PXDNL: variants seen among roughly 807,000 people sequenced by gnomAD.
The protein encoded by PXDNL is peroxidasin like.
PXDNL carries 145 observed loss-of-function variants against 150.8 expected under a neutral mutation model. That is an observed-to-expected ratio of 0.96 (90% confidence interval 0.84 to 1.10). PXDNL has a LOEUF of 1.10. Ranked by LOEUF, PXDNL falls within the 50% of genes least tolerant of loss-of-function variation. The pLI is 0.00. For missense variants in PXDNL, 2,087 were observed against 1,873.9 expected (o/e 1.11, Z -2.10); for synonymous variants, 757 against 725.7 (o/e 1.04, Z -0.69).
intron 1 of PXDNL, among the ~76,000 whole-genome samples, chr8:51,661,769 G>A (rs920490137): frequency 6.6e-6 from 1 of 152,170 alleles, no homozygotes; most frequent in Non-Finnish European, 1.5e-5. Flanking sequence ...AAGCCAGAAA[G>A]GAAGGGCATT....
At chr8:51,720,089 G>A (rs936222866) in intron 1 of PXDNL, among the ~76,000 whole-genome samples, 4 of 151,812 alleles carry the variant, frequency 2.6e-5, no homozygotes, top group African/African-American at 9.7e-5. Flanking sequence ...AAATTTTAAA[G>A]GGATGCAAAG....
chr8:51,431,002 C>A (rs1472561907), intron 12 of PXDNL, among the ~76,000 whole-genome samples: 1 of 152,178 alleles, frequency 6.6e-6, no homozygotes, highest in Non-Finnish European at 1.5e-5. Flanking sequence ...ATTGACTTCT[C>A]CACAAAGAAA....
At chr8:51,637,731 T>C (rs989657422) in intron 2 of PXDNL, among the ~76,000 whole-genome samples, 7 of 152,234 alleles carry the variant, frequency 4.6e-5, no homozygotes, top group African/African-American at 1.4e-4. Context: ...CTGATTGGTC[T>C]ACCTGAAAGT....
At chr8:51,712,013 C>T (rs1816512000) in intron 1 of PXDNL, among the ~76,000 whole-genome samples, 1 of 152,174 alleles carries the variant, frequency 6.6e-6, no homozygotes, top group Admixed American at 6.5e-5. Context: ...AGTCTCAAAT[C>T]CATCTCCCTG....
intron 1 of PXDNL, among the ~76,000 whole-genome samples, chr8:51,667,216 C>T (rs1815403561): frequency 6.6e-6 from 1 of 152,188 alleles, no homozygotes; most frequent in African/African-American, 2.4e-5. Context: ...GATAGCCCCT[C>T]CCTTGGCTAC....
Position 51,370,281 on chromosome 8 carries a change from G to A in PXDNL, c.3901+1592C>T, listed in dbSNP as rs1257166362. ...CACGCAGCCCTGGCCTCTACACGGAGCCATTGCTTCCTTGCAGGGCACTGC... is the reference window on the plus strand; with the variant it reads ...CACGCAGCCCTGGCCTCTACACGGAACCATTGCTTCCTTGCAGGGCACTGC... On this transcript the variant is annotated intron_variant, in intron 19 of 22. Transcript: ENST00000356297. 3.9e-5 allele frequency among the ~76,000 whole-genome samples: 6 copies of A among 152,122 alleles called. No individual in the cohort carries two copies. In the East Asian group the frequency reaches 1.2e-3, roughly 29 times the overall value.
intron 2 of PXDNL, among the ~76,000 whole-genome samples, chr8:51,647,467 C>G (rs1814943457): frequency 6.6e-6 from 1 of 152,198 alleles, no homozygotes; most frequent in African/African-American, 2.4e-5. Context: ...AGAAACTAAA[C>G]AATTCCACTG....
chr8:51,676,132 T>C (rs1212060683), intron 1 of PXDNL, among the ~76,000 whole-genome samples: 2 of 152,280 alleles, frequency 1.3e-5, no homozygotes, highest in Middle Eastern at 3.4e-3. Flanking sequence ...ATTACTTAGA[T>C]TGTTGTTGAC....
At chr8:51,688,637 T>G (rs1437364408) in intron 1 of PXDNL, among the ~76,000 whole-genome samples, 1 of 152,060 alleles carries the variant, frequency 6.6e-6, no homozygotes. Context: ...AGCCCCTCTA[T>G]CCTAACCTCT....
At chr8:51,506,540 C>CAAAAAAAAA (rs11312240) in intron 4 of PXDNL, among the ~76,000 whole-genome samples, 1 of 67,490 alleles carries the variant, frequency 1.5e-5, no homozygotes. Flanking sequence ...GACTCTGTCT[C>CAAAAAAAAA]AAAAAAAAAA....
At position 51,588,820 on chromosome 8, in the gene PXDNL, G is replaced by A. The variant is rs140210615; in HGVS notation, c.308+3807C>T. ...GAGAAGGTCAAGCTCCTTCACTAAT[G>A]AGGAGCAGGCTTTGCACACCCCCAA... On this transcript the variant is annotated intron_variant, in intron 3 of 22. Coordinates refer to ENST00000356297, the MANE Select transcript of PXDNL (RefSeq NM_144651.5). Among the ~76,000 whole-genome samples the A allele has an allele frequency of 2.3e-3, 356 of 152,264 alleles. 4 individuals carry two copies. The highest frequency in any genetic ancestry group is 8.1e-3 in the African/African-American group (338 of 41,550).
At chr8:51,607,383 C>T (rs1288953054) in intron 2 of PXDNL, among the ~76,000 whole-genome samples, 1 of 152,166 alleles carries the variant, frequency 6.6e-6, no homozygotes, top group African/African-American at 2.4e-5. Flanking sequence ...ATGTTCATAA[C>T]AAAGGAGGCA....
chr8:51,661,899 G>A (rs1815278426), intron 1 of PXDNL, among the ~76,000 whole-genome samples: 1 of 145,306 alleles, frequency 6.9e-6, no homozygotes, highest in Non-Finnish European at 1.5e-5. Flanking sequence ...CTCCAACAAT[G>A]GCTAAAGCAG....
chr8:51,512,422 C>G (rs1380561339), intron 4 of PXDNL, among the ~76,000 whole-genome samples: 1 of 152,084 alleles, frequency 6.6e-6, no homozygotes, highest in African/African-American at 2.4e-5. Flanking sequence ...CCAATACGTC[C>G]CCCTCTCAGC....
chr8:51,627,724 T>C (rs1814393530), intron 2 of PXDNL, among the ~76,000 whole-genome samples: 1 of 152,110 alleles, frequency 6.6e-6, no homozygotes, highest in Non-Finnish European at 1.5e-5. Context: ...TAAGAAAGCT[T>C]TGTGGTGTTT....
chr8:51,553,496 A>G (rs1434139339), intron 4 of PXDNL, among the ~76,000 whole-genome samples: 1 of 152,198 alleles, frequency 6.6e-6, no homozygotes, highest in Non-Finnish European at 1.5e-5. Context: ...CTCTGTAAGT[A>G]AGTGTATAAA....
intron 3 of PXDNL, among the ~76,000 whole-genome samples, chr8:51,563,517 A>G (rs1408760116): frequency 6.6e-6 from 1 of 151,944 alleles, no homozygotes; most frequent in African/African-American, 2.4e-5. Flanking sequence ...GGAGGATACA[A>G]ACATTCAATC....
intron 1 of PXDNL, among the ~76,000 whole-genome samples, chr8:51,767,661 C>A (rs1204869982): frequency 1.3e-5 from 2 of 152,024 alleles, no homozygotes; most frequent in African/African-American, 2.4e-5. Context: ...CTTTTCAAAT[C>A]TTTACTGCAT....
intron 3 of PXDNL, among the ~76,000 whole-genome samples, chr8:51,591,985 T>G (rs1305359626): frequency 6.6e-6 from 1 of 152,210 alleles, no homozygotes; most frequent in Non-Finnish European, 1.5e-5. Context: ...ATAAAAGCCC[T>G]TGTAGTTTGT....
Sources: gnomAD v4.1 joint callset for allele counts (sites outside exome capture counted in the v4.1 genomes callset) on GRCh38, gnomAD v4.1.1 for gene constraint, MANE v1.5 for transcripts, NCBI Gene and HGNC (gene_info 2026-07-23, HGNC 2026-07-21) for gene names.